TFCP2: variants seen among roughly 807,000 people sequenced by gnomAD.
TFCP2 encodes alpha-globin transcription factor CP2.
A neutral mutation model predicts 73.4 loss-of-function variants in TFCP2; 33 were observed. That is an observed-to-expected ratio of 0.45 (90% confidence interval 0.34 to 0.60). The LOEUF (loss-of-function observed/expected upper bound fraction) is 0.60, where lower values mean the gene tolerates loss of function less well. Ranked by LOEUF, TFCP2 falls within the 20% of genes least tolerant of loss-of-function variation. The pLI is 0.01. For missense variants in TFCP2, 352 were observed against 604.0 expected, an observed-to-expected ratio of 0.58 and a Z score of 4.37; for synonymous variants, 193 against 211.6, an observed-to-expected ratio of 0.91 and a Z score of 0.76.
chr12:51,107,150 A>C (rs748991907), intron 7 of TFCP2, 86 bp downstream of exon 7: 31 of 1,059,406 alleles, frequency 2.9e-5, no homozygotes, highest in Non-Finnish European at 4.4e-5. Flanking sequence ...GGCTTAGGAG[A>C]AGTAAATTCT....
intron 1 of TFCP2, among the ~76,000 whole-genome samples, chr12:51,146,565 C>T (rs1210622237): frequency 3.9e-5 from 6 of 152,060 alleles, no homozygotes; most frequent in East Asian, 1.9e-4. Flanking sequence ...GATGCAGAAC[C>T]GAAACACCTG....
In TFCP2 at chr12:51,172,705, C is replaced by T. The variant is rs747700806; in HGVS notation, c.-283G>A. Reference sequence around the variant, plus strand: ...TCAACTACTGCAGACTTCCCAGAGGCAGCTCTGGACTCCCGCACTCCCACT... The same window carrying T: ...TCAACTACTGCAGACTTCCCAGAGGTAGCTCTGGACTCCCGCACTCCCACT... On this transcript the variant is annotated 5_prime_UTR_variant, in exon 1 of 15. Transcript: ENST00000257915. 1.5e-5 allele frequency: 5 copies of T among 331,966 alleles called. No individual in the cohort carries two copies. Among genetic ancestry groups the T allele is most frequent in the African/African-American group, 4.2e-5 (2 of 47,660 alleles). The allele number at this position is 331,966 out of a possible 1,614,324, so 20.6% of individuals were successfully genotyped here. A position where few individuals can be genotyped will look rare whatever the true frequency, so the allele number is the denominator to read the frequency against.
chr12:51,152,468 T>A (rs1941449164), intron 1 of TFCP2, among the ~76,000 whole-genome samples: 1 of 152,230 alleles, frequency 6.6e-6, no homozygotes, highest in Non-Finnish European at 1.5e-5. Flanking sequence ...AAAATCTGAA[T>A]AAGGTCTATA....
chr12:51,157,520 G>C (rs1043895619), intron 1 of TFCP2, among the ~76,000 whole-genome samples: 1 of 151,896 alleles, frequency 6.6e-6, no homozygotes, highest in African/African-American at 2.4e-5. Flanking sequence ...GTTTGAGCTC[G>C]TGGGCTCAAG....
At chr12:51,153,028 A>G (rs749374408) in intron 1 of TFCP2, among the ~76,000 whole-genome samples, 10 of 152,192 alleles carry the variant, frequency 6.6e-5, no homozygotes, top group Non-Finnish European at 5.9e-5. Flanking sequence ...TGGGCAAAGG[A>G]GAACTATTTG....
intron 1 of TFCP2, chr12:51,124,556 C>G: frequency 4.4e-6 from 2 of 457,398 alleles, no homozygotes; most frequent in South Asian, 3.5e-5. Context: ...GCCCAGTCAG[C>G]CTGCGGAGGT....
intron 1 of TFCP2, among the ~76,000 whole-genome samples, chr12:51,146,090 C>A (rs1167118608): frequency 6.6e-6 from 1 of 151,612 alleles, no homozygotes; most frequent in East Asian, 1.9e-4. Flanking sequence ...TTGAGGCTGG[C>A]CATAATGGCT....
intron 1 of TFCP2, among the ~76,000 whole-genome samples, chr12:51,169,418 T>C (rs1478680530): frequency 6.6e-6 from 1 of 151,818 alleles, no homozygotes. Flanking sequence ...GGAGAATCGC[T>C]TGAACCCGGG....
chr12:51,113,678 T>C (rs986153328), intron 4 of TFCP2, among the ~76,000 whole-genome samples: 3 of 152,046 alleles, frequency 2.0e-5, no homozygotes, highest in South Asian at 2.1e-4. Flanking sequence ...CTTAGCAAAA[T>C]AGTGAGGTAT....
At chr12:51,172,036 A>C (rs1325123127) in intron 1 of TFCP2, among the ~76,000 whole-genome samples, 5 of 152,162 alleles carry the variant, frequency 3.3e-5, no homozygotes, top group Non-Finnish European at 7.3e-5. Context: ...TTGGCACAAA[A>C]GCCTCTCAAC....
At chr12:51,097,163 G>A (rs1939984234) in intron 13 of TFCP2, among the ~76,000 whole-genome samples, 1 of 152,024 alleles carries the variant, frequency 6.6e-6, no homozygotes, top group African/African-American at 2.4e-5. Flanking sequence ...GTTTCTCTAT[G>A]TTGGTCAAAC....
intron 1 of TFCP2, among the ~76,000 whole-genome samples, chr12:51,148,699 C>CAAAAAAAAAAAA (rs140565414): frequency 1.0e-5 from 1 of 100,136 alleles, no homozygotes. Flanking sequence ...GACTCTGTCT[C>CAAAAAAAAAAAA]AAAAAAAAAA....
intron 1 of TFCP2, among the ~76,000 whole-genome samples, chr12:51,132,271 C>T (rs759173384): frequency 2.7e-5 from 4 of 150,846 alleles, no homozygotes; most frequent in Non-Finnish European, 5.9e-5. Context: ...AGCACTCCTT[C>T]CACACTGGAT....
At position 51,109,522 on chromosome 12, in the gene TFCP2, C is replaced by T. The variant is rs139615210; in HGVS notation, c.565-249G>A. Among the ~76,000 whole-genome samples the T allele has an allele frequency of 6.0e-3, 912 of 152,254 alleles. 7 individuals carry two copies. The highest frequency in any genetic ancestry group is 0.02 in the African/African-American group (851 of 41,538). On this transcript the variant is annotated intron_variant, in intron 5 of 14. Coordinates refer to ENST00000257915, the MANE Select transcript of TFCP2 (RefSeq NM_005653.5). ...AAAAGCTACTGTGAGGAACTAAATT[C>T]ATTAACTGCTTCAAAGAACACAGAG...
chr12:51,129,655 A>G (rs755490611), intron 1 of TFCP2, among the ~76,000 whole-genome samples: 4 of 152,026 alleles, frequency 2.6e-5, no homozygotes, highest in Admixed American at 2.6e-4. Context: ...CTGTAAAGAG[A>G]TTTCAATAGC....
intron 5 of TFCP2, among the ~76,000 whole-genome samples, chr12:51,110,581 T>C (rs1337671270): frequency 1.3e-5 from 2 of 151,990 alleles, no homozygotes; most frequent in Non-Finnish European, 2.9e-5. Flanking sequence ...CCCAAAAAAA[T>C]TATGCCAATC....
At chr12:51,163,515 G>C (rs1473728550) in intron 1 of TFCP2, among the ~76,000 whole-genome samples, 7 of 151,556 alleles carry the variant, frequency 4.6e-5, no homozygotes, top group African/African-American at 7.3e-5. Context: ...GCTTGAACTT[G>C]GGAGGCAGAG....
chr12:51,152,284 T>C (rs997929218), intron 1 of TFCP2, among the ~76,000 whole-genome samples: 3 of 152,076 alleles, frequency 2.0e-5, no homozygotes, highest in South Asian at 2.1e-4. Context: ...CAAAAACAAA[T>C]TGAAGGATGC....
chr12:51,168,174 C>G (rs1320917331), intron 1 of TFCP2, among the ~76,000 whole-genome samples: 1 of 152,038 alleles, frequency 6.6e-6, no homozygotes, highest in Admixed American at 6.6e-5. Flanking sequence ...GGGGGAAGAA[C>G]TGTTTGAGCC....
Sources: gnomAD v4.1 joint callset for allele counts (sites outside exome capture counted in the v4.1 genomes callset) on GRCh38, gnomAD v4.1.1 for gene constraint, MANE v1.5 for transcripts, NCBI Gene and HGNC (gene_info 2026-07-23, HGNC 2026-07-21) for gene names.